The following TEX15 variants were observed in gnomAD, a reference collection of about 807,000 sequenced individuals.
TEX15 encodes the protein testis-expressed protein 15.
In TEX15, 171 loss-of-function variants were observed where a neutral mutation model predicts 237.3. The ratio of observed to expected loss-of-function variants is 0.72; its 90% confidence interval spans 0.64 to 0.82. TEX15 has a LOEUF of 0.82. Ranked by LOEUF, TEX15 falls within the 40% of genes least tolerant of loss-of-function variation. TEX15 has a pLI of 0.00. For missense variants in TEX15, 3,750 were observed against 3,646.5 expected, an observed-to-expected ratio of 1.03 and a Z score of -0.73; for synonymous variants, 1,338 against 1,269.8, an observed-to-expected ratio of 1.05 and a Z score of -1.14.
intron 1 of TEX15, among the ~76,000 whole-genome samples, 152 bp from the exon 2 acceptor site, chr8:30,898,969 G>GTTC (rs1194113688): frequency 2.0e-5 from 3 of 152,008 alleles, no homozygotes; most frequent in Admixed American, 2.0e-4. Context: ...GGGGGAGGGA[G>GTTC]CTGTCTGTTT....
chr8:30,874,876 T>A, intron 4 of TEX15, 61 bp downstream of exon 4: 1 of 1,035,936 alleles, frequency 9.7e-7, no homozygotes, highest in Non-Finnish European at 1.2e-6. Flanking sequence ...TGAATTAGCA[T>A]AAAACTCCAT....
intron 5 of TEX15, among the ~76,000 whole-genome samples, chr8:30,863,810 A>C (rs1451596083): frequency 6.6e-6 from 1 of 152,196 alleles, no homozygotes; most frequent in African/African-American, 2.4e-5. Context: ...GACAGCCTAC[A>C]ACAATCAAAA....
At chr8:30,867,564 T>C in intron 4 of TEX15, 62 bp from the exon 5 acceptor site, 1 of 979,358 alleles carries the variant, frequency 1.0e-6, no homozygotes, top group South Asian at 1.5e-5. Flanking sequence ...TTCAAGAAGA[T>C]ACATATTTCC....
In TEX15 at chr8:30,837,127, T is replaced by C. The variant is rs753676827; in HGVS notation, c.9157A>G (p.Asn3053Asp). The change falls in exon 10 of 11, where the codon AAT (asparagine) becomes GAT (aspartate). Residue 3053 changes from asparagine to aspartate, a missense_variant. Transcript: ENST00000643185. ...TATGTCTGGGTAATGGCATTGCCATTGCTGTTGCTGTACTGATAAACACAC... is the reference window on the plus strand; with the variant it reads ...TATGTCTGGGTAATGGCATTGCCATCGCTGTTGCTGTACTGATAAACACAC... The part of the protein sequence containing the change: ...AWCVYQYSNS[N>D]GNAITQTYQG... 3.6e-5 allele frequency: 58 copies of C among 1,613,960 alleles called. No individual in the cohort carries two copies. The highest frequency in any genetic ancestry group is 4.9e-5 in the Non-Finnish European group (58 of 1,179,944).
intron 2 of TEX15, chr8:30,888,764 G>T: frequency 1.3e-6 from 1 of 795,684 alleles, no homozygotes; most frequent in Non-Finnish European, 1.8e-6. Context: ...TTCTAAGAAG[G>T]TTCACAAGGA....
In TEX15 at chr8:30,842,112, G is replaced by T. The variant is rs1213467525; in HGVS notation, c.8055C>A (p.Asn2685Lys). 1 of 1,612,676 alleles carries T rather than the reference G, an allele frequency of 6.2e-7. No individual in the cohort carries two copies. Among genetic ancestry groups the T allele is most frequent in the Non-Finnish European group, 8.5e-7 (1 of 1,179,338 alleles). Residue 2685 changes from asparagine (N) to lysine (K), a missense_variant, in exon 8 of 11, where the codon AAC becomes AAA. By Grantham distance (94) the Asn-to-Lys change is moderately conservative. Transcript: ENST00000643185. ...TMLPPVSECI[N>K]KNISNSSKKR... ...TTTTAGAGGAATTTGAGATGTTTTT[G>T]TTTATGCACTCTGATACTGGGGGCA...
rs1484277294 is a variant in TEX15, at chr8:30,887,084, C to T, written c.136+83G>A. On this transcript the variant is annotated intron_variant, in intron 3 of 10. Transcript: ENST00000643185. ...GAATTAACCTAATTTTATATAGAGT[C>T]AAAATAAAAGATGAACATAAACTAA... is the stretch of plus-strand genomic sequence containing the variant. 4 of 1,267,714 alleles carry T rather than the reference C, an allele frequency of 3.2e-6. No individual in the cohort carries two copies. In the African/African-American group the frequency reaches 4.5e-5, roughly 14 times the overall value. The allele number at this position is 1,267,714 out of a possible 1,614,324, so 78.5% of individuals were successfully genotyped here.
chr8:30,837,933 A>G lies in TEX15; in HGVS notation c.8351T>C (p.Leu2784Ser). ...QRSLPGSLLP[L>S]ENPKDTCASK... ...TGCGCAAGTGTCTTTTGGGTTCTCT[A>G]AGGGTAAAAGTGAGCCAGGTAGTGA... is the stretch of plus-strand genomic sequence containing the variant. Residue 2784 changes from leucine (L) to serine (S), a missense_variant, in exon 10 of 11, where the codon TTA becomes TCA. Transcript: ENST00000643185. The G allele has an allele frequency of 6.2e-7, 1 of 1,614,112 alleles. No individual in the cohort carries two copies. The highest frequency in any genetic ancestry group is 1.1e-5 in the South Asian group (1 of 91,080).
In TEX15 at chr8:30,909,948, T is replaced by G. The variant is rs536706783; in HGVS notation, c.-86+2931A>C. Among the ~76,000 whole-genome samples the G allele has an allele frequency of 2.6e-5, 4 of 152,110 alleles. No homozygotes were observed. The South Asian group carries it at 8.3e-4, about 31-fold the overall frequency. ...TGAGATTCCATTAGACCTAACAGGA[T>G]AACATGTAGGCACTTCAAATCCCCT... On this transcript the variant is annotated intron_variant, in intron 1 of 10. Coordinates refer to ENST00000643185, the MANE Select transcript of TEX15 (RefSeq NM_001350162.2).
intron 2 of TEX15, among the ~76,000 whole-genome samples, chr8:30,889,954 C>CATATATATATATATACGTATATAT: frequency 9.1e-6 from 1 of 110,074 alleles, no homozygotes; most frequent in African/African-American, 4.5e-5. Flanking sequence ...TATATATATA[C>CATATATATATATATACGTATATAT]ATATATATAT....
intron 8 of TEX15, among the ~76,000 whole-genome samples, chr8:30,840,936 G>T (rs2128766881): frequency 6.6e-6 from 1 of 151,610 alleles, no homozygotes; most frequent in African/African-American, 2.4e-5. Context: ...AATTTTTTTT[G>T]AAACAGAGTC....
Position 30,845,197 on chromosome 8 carries a change from T to C in TEX15, c.4970A>G (p.Asn1657Ser). The change falls in exon 8 of 11, where the codon AAT becomes AGT. Residue 1657 changes from asparagine (N) to serine (S), a missense_variant. Coordinates refer to ENST00000643185, the MANE Select transcript of TEX15 (RefSeq NM_001350162.2). ...GAGATCATTTAAAAAGTGCTTCACA[T>C]TTGAATCTAAGACTGATATAAGTAC... is the stretch of plus-strand genomic sequence containing the variant. The part of the protein sequence containing the change: ...TDVLISVLDS[N>S]VKHFLNDLYQ... 1 of 1,613,548 alleles carries C rather than the reference T, an allele frequency of 6.2e-7. No homozygotes were observed. Among genetic ancestry groups the C allele is most frequent in the Middle Eastern group, 1.7e-4 (1 of 6,058 alleles).
chr8:30,891,465 T>C (rs983212768), intron 2 of TEX15, among the ~76,000 whole-genome samples: 13 of 152,066 alleles, frequency 8.5e-5, no homozygotes, highest in Non-Finnish European at 1.8e-4. Context: ...GTGGTTAGTT[T>C]GCATTTTCTC....
intron 10 of TEX15, among the ~76,000 whole-genome samples, chr8:30,834,280 C>G (rs552199338): frequency 1.3e-5 from 2 of 152,316 alleles, no homozygotes; most frequent in Admixed American, 6.5e-5. Context: ...CCAAGCCATT[C>G]TGCTGCCTCA....
At chr8:30,866,703 T>C (rs1201521369) in intron 5 of TEX15, among the ~76,000 whole-genome samples, 1 of 150,954 alleles carries the variant, frequency 6.6e-6, no homozygotes, top group East Asian at 1.9e-4. Flanking sequence ...TTTTCTTCTA[T>C]AAACAAGGCT....
intron 3 of TEX15, among the ~76,000 whole-genome samples, chr8:30,882,286 A>G (rs1037838387): frequency 6.6e-6 from 1 of 151,846 alleles, no homozygotes; most frequent in Non-Finnish European, 1.5e-5. Flanking sequence ...GTATGATTTC[A>G]ATTTATTTAT....
chr8:30,846,780 A>C lies in TEX15; in HGVS notation c.3387T>G (p.Tyr1129Ter). The C allele has an allele frequency of 6.2e-7, 1 of 1,613,894 alleles. No homozygotes were observed. Among genetic ancestry groups the C allele is most frequent in the Non-Finnish European group, 8.5e-7 (1 of 1,179,792 alleles). The change falls in exon 8 of 11, where the codon TAT becomes TAG. Residue 1129 changes from tyrosine (Y) to a stop codon, truncating the protein, a stop_gained. Coordinates refer to ENST00000643185, the MANE Select transcript of TEX15 (RefSeq NM_001350162.2). LOFTEE classifies it high-confidence loss of function. Reference sequence around the variant, plus strand: ...AATAAAAATAGTTACTTTCCTTAGAATAATGCTGATCACTATTCTCCCTTC... The same window carrying C: ...AATAAAAATAGTTACTTTCCTTAGACTAATGCTGATCACTATTCTCCCTTC... ...TTGRENSDQH[Y>*]SKESNYFYSS...
At chr8:30,906,852 T>G (rs1046138992) in intron 1 of TEX15, among the ~76,000 whole-genome samples, 1 of 152,154 alleles carries the variant, frequency 6.6e-6, no homozygotes, top group African/African-American at 2.4e-5. Flanking sequence ...AGAAAGACAC[T>G]AGGTTTAATT....
At chr8:30,861,728 A>AG (rs1211836470) in intron 5 of TEX15, among the ~76,000 whole-genome samples, 1 of 152,172 alleles carries the variant, frequency 6.6e-6, no homozygotes, top group African/African-American at 2.4e-5. Context: ...CTAAGCTAAA[A>AG]AGTTTACTAA....
Sources: allele counts gnomAD v4.1 joint callset (sites outside exome capture counted in the v4.1 genomes callset), GRCh38; gene constraint gnomAD v4.1.1; transcripts MANE v1.5; gene names NCBI Gene and HGNC (gene_info 2026-07-23, HGNC 2026-07-21).